SERGEF: variants seen among roughly 807,000 people sequenced by gnomAD.
SERGEF encodes secretion-regulating guanine nucleotide exchange factor.
A neutral mutation model predicts 50.0 loss-of-function variants in SERGEF; 51 were observed. The ratio of observed to expected loss-of-function variants is 1.02; its 90% CI spans 0.81 to 1.29. The LOEUF (loss-of-function observed/expected upper bound fraction) is 1.29. SERGEF is among the 50% of genes most tolerant of loss of function. SERGEF has a pLI of 0.00. For synonymous variants in SERGEF, 205 were observed against 212.4 expected, an observed-to-expected ratio of 0.97 and a Z score of 0.30; for missense variants, 521 against 557.0, an observed-to-expected ratio of 0.94 and a Z score of 0.65.
At chr11:17,894,482 G>A (rs1409225982) in intron 9 of SERGEF, among the ~76,000 whole-genome samples, 1 of 152,116 alleles carries the variant, frequency 6.6e-6, no homozygotes, top group East Asian at 1.9e-4. Flanking sequence ...TCTGGGTCCT[G>A]CTATAGAAAT....
At chr11:18,000,371 C>T in intron 5 of SERGEF, 126 bp downstream of exon 5, 1 of 629,660 alleles carries the variant, frequency 1.6e-6, no homozygotes, top group Non-Finnish European at 2.7e-6. Flanking sequence ...ACAGCTTGGG[C>T]TCAGGAGTTC....
chr11:17,807,103 T>C (rs991078961), intron 10 of SERGEF, among the ~76,000 whole-genome samples: 26 of 152,194 alleles, frequency 1.7e-4, no homozygotes, highest in Admixed American at 3.3e-4. Flanking sequence ...CCTTGGTGAA[T>C]GGCTCCCCTG....
intron 4 of SERGEF, among the ~76,000 whole-genome samples, chr11:18,003,559 C>G (rs371303291): frequency 6.6e-6 from 1 of 152,298 alleles, no homozygotes; most frequent in South Asian, 2.1e-4. Context: ...ACTGAATTAG[C>G]TGGGAATGGT....
intron 9 of SERGEF, among the ~76,000 whole-genome samples, chr11:17,947,006 T>C (rs536623105): frequency 1.3e-5 from 2 of 152,292 alleles, no homozygotes; most frequent in South Asian, 4.1e-4. Flanking sequence ...CAAAAAATCT[T>C]AAGATACAGT....
chr11:17,843,153 C>G (rs1189660569), intron 10 of SERGEF, among the ~76,000 whole-genome samples: 1 of 152,154 alleles, frequency 6.6e-6, no homozygotes, highest in Non-Finnish European at 1.5e-5. Flanking sequence ...CAGGGTTGAG[C>G]AAGTGGGGAT....
intron 8 of SERGEF, among the ~76,000 whole-genome samples, chr11:17,983,444 C>T (rs762944910): frequency 2.0e-5 from 3 of 152,020 alleles, no homozygotes; most frequent in Non-Finnish European, 4.4e-5. Context: ...CAAGAGTTTC[C>T]AAAAGAGTAG....
chr11:17,884,443 G>A lies in SERGEF; in HGVS notation c.1012-6199C>T, dbSNP rs114400874. On this transcript the variant is annotated intron_variant, in intron 9 of 10. Coordinates refer to ENST00000265965, the MANE Select transcript of SERGEF (RefSeq NM_012139.4). This position sits in a 1 kb window ranked among gnomAD's most constrained non-coding sequence, Gnocchi z 4.6. ...TCGGTGCCGCCTTTGCTAGAGCTCTGCCCAAACCCGGTTTCCATCCGTGTA... is the reference window on the plus strand; with the variant it reads ...TCGGTGCCGCCTTTGCTAGAGCTCTACCCAAACCCGGTTTCCATCCGTGTA... Among the ~76,000 whole-genome samples the A allele has an allele frequency of 0.064, 9,644 of 151,862 alleles. 357 individuals carry two copies. The highest frequency in any genetic ancestry group is 0.083 in the African/African-American group (3,449 of 41,392).
At chr11:17,850,934 C>T (rs1796624833) in intron 10 of SERGEF, among the ~76,000 whole-genome samples, 1 of 152,148 alleles carries the variant, frequency 6.6e-6, no homozygotes, top group South Asian at 2.1e-4. Flanking sequence ...GGAGACCTGG[C>T]TGAGGTGTCA....
chr11:17,897,718 C>T (rs1037273182), intron 9 of SERGEF, among the ~76,000 whole-genome samples: 2 of 152,160 alleles, frequency 1.3e-5, no homozygotes, highest in African/African-American at 4.8e-5. Flanking sequence ...GGCAGAAAAA[C>T]AAATCTAATG....
chr11:18,004,921 G>T (rs1314301651), intron 3 of SERGEF, among the ~76,000 whole-genome samples: 1 of 152,222 alleles, frequency 6.6e-6, no homozygotes, highest in African/African-American at 2.4e-5. Flanking sequence ...CAGCGGTCAT[G>T]TAACCAACTG....
chr11:17,805,161 C>T (rs1037939583), intron 10 of SERGEF, among the ~76,000 whole-genome samples: 5 of 152,214 alleles, frequency 3.3e-5, no homozygotes, highest in Non-Finnish European at 7.3e-5. Context: ...AGCCACATGG[C>T]TCCATGGCAG....
chr11:18,011,130 G>GCACA (rs1226293429), intron 1 of SERGEF, among the ~76,000 whole-genome samples: 2 of 116,946 alleles, frequency 1.7e-5, no homozygotes, highest in Non-Finnish European at 3.5e-5. Context: ...ACGTGCACAT[G>GCACA]CACACATACA....
chr11:17,820,065 A>G (rs1341917062), intron 10 of SERGEF, among the ~76,000 whole-genome samples: 2 of 151,608 alleles, frequency 1.3e-5, no homozygotes, highest in Non-Finnish European at 2.9e-5. Flanking sequence ...GCTGCTCTCG[A>G]GCTCCTGGGC....
chr11:17,914,022 A>T (rs1191952220), intron 9 of SERGEF, among the ~76,000 whole-genome samples: 1 of 152,242 alleles, frequency 6.6e-6, no homozygotes, highest in African/African-American at 2.4e-5. Context: ...ATAGCCTGGC[A>T]TTAAAGGTCT....
chr11:17,858,828 A>T (rs540443618), intron 10 of SERGEF, among the ~76,000 whole-genome samples: 2 of 152,110 alleles, frequency 1.3e-5, no homozygotes, highest in East Asian at 3.8e-4. Flanking sequence ...AGGAGTGGTT[A>T]CCCTTGGAGA....
At chr11:17,843,878 A>C (rs1393552682) in intron 10 of SERGEF, among the ~76,000 whole-genome samples, 1 of 152,200 alleles carries the variant, frequency 6.6e-6, no homozygotes, top group Non-Finnish European at 1.5e-5. Flanking sequence ...GGATCCTAAA[A>C]CATCAGAACC....
chr11:17,842,302 C>T (rs1265103298), intron 10 of SERGEF, among the ~76,000 whole-genome samples: 2 of 152,168 alleles, frequency 1.3e-5, no homozygotes, highest in African/African-American at 4.8e-5. Context: ...TTCTGAGGTT[C>T]TCTTGAGTCT....
At chr11:17,902,670 G>A (rs900202546) in intron 9 of SERGEF, among the ~76,000 whole-genome samples, 1 of 152,186 alleles carries the variant, frequency 6.6e-6, no homozygotes, top group Non-Finnish European at 1.5e-5. Flanking sequence ...GGGCAGAAAC[G>A]AGGAATTAGT....
intron 10 of SERGEF, 40 bp downstream of exon 10, chr11:17,878,168 A>T: frequency 6.8e-7 from 1 of 1,465,332 alleles, no homozygotes; most frequent in Non-Finnish European, 9.5e-7. Context: ...CTGCCACATG[A>T]TTTTCAGAAG....
Sources: allele counts gnomAD v4.1 joint callset (sites outside exome capture counted in the v4.1 genomes callset), GRCh38; gene constraint gnomAD v4.1.1; non-coding constraint Gnocchi (gnomAD v3.1); transcripts MANE v1.5; gene names NCBI Gene and HGNC (gene_info 2026-07-23, HGNC 2026-07-21).